Variants in CDH2 observed in about 807,000 individuals in gnomAD.
CDH2 encodes the protein cadherin-2.
A neutral mutation model predicts 92.0 loss-of-function variants in CDH2; 17 were observed. That is an observed-to-expected ratio of 0.18 (90% CI 0.13 to 0.28). The LOEUF is 0.28. Among genes scored for constraint, CDH2 ranks in the 10% least tolerant of loss-of-function variants. The probability of loss-of-function intolerance (pLI) is 1.00; values close to 1 mark genes in which losing one functional copy is unlikely to be tolerated. For missense variants in CDH2, 862 were observed against 1,133.1 expected (o/e 0.76, Z 3.44); for synonymous variants, 419 against 415.9 (o/e 1.01, Z -0.09).
chr18:27,938,398 T>C (rs1909068113), intron 6 of CDH2, among the ~76,000 whole-genome samples: 1 of 152,196 alleles, frequency 6.6e-6, no homozygotes, highest in Admixed American at 6.5e-5. Flanking sequence ...TTTGAATATA[T>C]TATCCATATT....
chr18:27,963,260 C>CTA, intron 15 of CDH2, 97 bp downstream of exon 15: 3 of 1,049,936 alleles, frequency 2.9e-6, no homozygotes, highest in Non-Finnish European at 2.8e-6. Flanking sequence ...TTTTAGTGAA[C>CTA]TATATAGCTG....
chr18:27,963,080 T>A (rs891329520), intron 15 of CDH2, among the ~76,000 whole-genome samples: 3 of 152,122 alleles, frequency 2.0e-5, no homozygotes, highest in Admixed American at 6.5e-5. Context: ...GGAAAAAAAA[T>A]CCTTCTCGGA....
At chr18:28,109,363 A>G (rs775383831) in intron 2 of CDH2, among the ~76,000 whole-genome samples, 9 of 152,144 alleles carry the variant, frequency 5.9e-5, no homozygotes, top group Non-Finnish European at 1.2e-4. Flanking sequence ...CTCCAATTTT[A>G]AGTGGAGGAA....
At chr18:28,000,693 T>A (rs1357724243) in intron 7 of CDH2, among the ~76,000 whole-genome samples, 1 of 152,090 alleles carries the variant, frequency 6.6e-6, no homozygotes, top group African/African-American at 2.4e-5. Flanking sequence ...GACTGGGTAA[T>A]GTGGCAAATA....
chr18:28,052,053 CGAT>C (rs1023986784), intron 2 of CDH2, among the ~76,000 whole-genome samples: 2 of 151,846 alleles, frequency 1.3e-5, no homozygotes, highest in Admixed American at 6.6e-5. Context: ...AAAACAACAA[CGAT>C]GTCATTATAG....
chr18:28,150,314 G>A (rs2016101649), intron 1 of CDH2, among the ~76,000 whole-genome samples: 1 of 152,222 alleles, frequency 6.6e-6, no homozygotes, highest in South Asian at 2.1e-4. Flanking sequence ...GTTCAGGGTA[G>A]TAGAGTATGC....
intron 2 of CDH2, among the ~76,000 whole-genome samples, chr18:28,052,808 A>G (rs1189366981): frequency 6.6e-6 from 1 of 152,194 alleles, no homozygotes; most frequent in East Asian, 1.9e-4. Flanking sequence ...TCCCTCTTCA[A>G]ATCACTAGAA....
At chr18:28,071,202 C>T (rs912340120) in intron 2 of CDH2, among the ~76,000 whole-genome samples, 6 of 152,182 alleles carry the variant, frequency 3.9e-5, no homozygotes, top group Non-Finnish European at 8.8e-5. Context: ...TTTTCTTTCA[C>T]GGTTTTCTGC....
intron 2 of CDH2, among the ~76,000 whole-genome samples, chr18:28,057,016 CG>C (rs2014305974): frequency 6.6e-6 from 1 of 152,064 alleles, no homozygotes; most frequent in African/African-American, 2.4e-5. Context: ...TCCTTGTCAA[CG>C]GCATCATTAT....
rs561658367 is a variant in CDH2, at chr18:28,152,905, T to C, written c.61-5121A>G. 8.5e-5 allele frequency among the ~76,000 whole-genome samples: 13 copies of C among 152,188 alleles called. No homozygotes were observed. The East Asian group carries it at 2.3e-3, about 27-fold the overall frequency. ...TCAATACCAAGATAGTTAAGATCGA[T>C]AGGGCCTTCTGAGGCAGGGACTCAC... On this transcript the variant is annotated intron_variant, in intron 1 of 15. Coordinates refer to ENST00000269141, the MANE Select transcript of CDH2 (RefSeq NM_001792.5).
At chr18:28,163,336 G>A (rs2016333603) in intron 1 of CDH2, among the ~76,000 whole-genome samples, 1 of 152,164 alleles carries the variant, frequency 6.6e-6, no homozygotes, top group East Asian at 1.9e-4. Context: ...TGCATACCTT[G>A]CAATCTAGCA....
In CDH2 at chr18:27,993,647, C is replaced by A. The variant is rs1409050892; in HGVS notation, c.1021-10G>T. 1.3e-6 allele frequency: 2 copies of A among 1,598,584 alleles called. No individual in the cohort carries two copies. The highest frequency in any genetic ancestry group is 2.7e-5 in the African/African-American group (2 of 74,612). On this transcript the variant is annotated splice_polypyrimidine_tract_variant and intron_variant, in intron 7 of 15. Coordinates refer to ENST00000269141, the MANE Select transcript of CDH2 (RefSeq NM_001792.5). Reference sequence around the variant, plus strand: ...TATACTGTTGCACTTTCTAAAAAGACATAAAGATAAGAACTTAAATGAAAC... The same window carrying A: ...TATACTGTTGCACTTTCTAAAAAGAAATAAAGATAAGAACTTAAATGAAAC...
chr18:28,150,270 C>T (rs1485285201), intron 1 of CDH2, among the ~76,000 whole-genome samples: 1 of 152,144 alleles, frequency 6.6e-6, no homozygotes, highest in Non-Finnish European at 1.5e-5. Flanking sequence ...ATGGAAGGCA[C>T]GGAGCAGACG....
rs150319450 is a variant in CDH2 at position 28,149,821 on chromosome 18, G to A, written c.61-2037C>T. On this transcript the variant is annotated intron_variant, in intron 1 of 15. Transcript: ENST00000269141. ...GAAACCAGGTAAAATGTAAAGATCC[G>A]CATAGACACACAGGTACAAATTACA... Among the ~76,000 whole-genome samples the A allele has an allele frequency of 3.9e-5, 6 of 152,264 alleles. No homozygotes were observed. The South Asian group carries it at 6.2e-4, about 16-fold the overall frequency.
intron 7 of CDH2, among the ~76,000 whole-genome samples, chr18:27,995,489 C>G (rs747491915): frequency 6.6e-6 from 1 of 152,060 alleles, no homozygotes; most frequent in Non-Finnish European, 1.5e-5. Flanking sequence ...ACTTTTATGA[C>G]TTTTGAAATG....
chr18:28,029,820 A>G (rs566949951), intron 2 of CDH2, among the ~76,000 whole-genome samples: 2 of 151,962 alleles, frequency 1.3e-5, no homozygotes, highest in East Asian at 3.9e-4. Flanking sequence ...GCTGCTACAC[A>G]CTCTTAGTCC....
chr18:27,941,839 C>A (rs1455009729), intron 6 of CDH2, among the ~76,000 whole-genome samples: 1 of 152,142 alleles, frequency 6.6e-6, no homozygotes, highest in Non-Finnish European at 1.5e-5. Flanking sequence ...CACTTCCAGG[C>A]AATTTAATCG....
intron 1 of CDH2, among the ~76,000 whole-genome samples, chr18:28,173,862 G>C (rs1006444355): frequency 7.2e-5 from 11 of 152,090 alleles, no homozygotes; most frequent in Admixed American, 3.3e-4. Flanking sequence ...AAAGTCACTT[G>C]TATTATTTAA....
At chr18:28,111,664 C>T (rs1256300802) in intron 2 of CDH2, among the ~76,000 whole-genome samples, 1 of 152,140 alleles carries the variant, frequency 6.6e-6, no homozygotes, top group African/African-American at 2.4e-5. Context: ...CACTCAACCT[C>T]AATGTCAGAG....
Sources: gnomAD v4.1 joint callset for allele counts (sites outside exome capture counted in the v4.1 genomes callset) on GRCh38, gnomAD v4.1.1 for gene constraint, MANE v1.5 for transcripts, NCBI Gene and HGNC (gene_info 2026-07-23, HGNC 2026-07-21) for gene names.